PDE3A: variants seen among roughly 807,000 people sequenced by gnomAD.
The protein encoded by PDE3A is phosphodiesterase 3A.
Under a neutral mutation model 98.3 loss-of-function variants are expected in PDE3A, and 43 were observed. The observed-to-expected ratio is 0.44, with a 90% confidence interval of 0.34 to 0.56. The LOEUF (loss-of-function observed/expected upper bound fraction) is 0.56. PDE3A is among the 20% of genes least tolerant of loss of function. PDE3A has a pLI of 0.01. For missense variants in PDE3A, 1,427 were observed against 1,440.7 expected (o/e 0.99, Z 0.15); for synonymous variants, 663 against 567.9 (o/e 1.17, Z -2.38).
intron 4 of PDE3A, among the ~76,000 whole-genome samples, chr12:20,620,290 A>G (rs1285176504): frequency 6.6e-6 from 1 of 152,026 alleles, no homozygotes; most frequent in Admixed American, 6.6e-5. Context: ...AGATTGGCAA[A>G]AGATCAAATT....
chr12:20,646,436 T>C, intron 10 of PDE3A, 54 bp from the exon 11 acceptor site: 4 of 985,290 alleles, frequency 4.1e-6, no homozygotes, highest in Non-Finnish European at 4.9e-6. Context: ...GCACTCTTAG[T>C]TCTTGGACCC....
chr12:20,599,069 C>T (rs1043193558), intron 2 of PDE3A, among the ~76,000 whole-genome samples: 2 of 152,210 alleles, frequency 1.3e-5, no homozygotes, highest in African/African-American at 4.8e-5. Context: ...TAGCCTCATA[C>T]TTCCCTTTCA....
chr12:20,375,405 T>C (rs1244225876), intron 1 of PDE3A, among the ~76,000 whole-genome samples: 3 of 151,972 alleles, frequency 2.0e-5, no homozygotes, highest in Admixed American at 1.3e-4. Flanking sequence ...GAACTGAGAA[T>C]GTATGTTTGT....
rs60675534 is a variant in PDE3A at position 20,439,578 on chromosome 12, G to T, written c.960+69334G>T. ...ACTGGTTATTGCTGACTGCTTATAA[G>T]GCAAAATATTTTGATTTTACTGTAT... On this transcript the variant is annotated intron_variant, in intron 1 of 15. Coordinates refer to ENST00000359062, the MANE Select transcript of PDE3A (RefSeq NM_000921.5). 4.1e-3 allele frequency among the ~76,000 whole-genome samples: 618 copies of T among 152,218 alleles called. 4 individuals are homozygous for T. The highest frequency in any genetic ancestry group is 0.014 in the African/African-American group (570 of 41,538).
At chr12:20,461,465 C>G (rs192065506) in intron 1 of PDE3A, among the ~76,000 whole-genome samples, 116 of 152,204 alleles carry the variant, frequency 7.6e-4, no homozygotes, top group Middle Eastern at 3.4e-3. Flanking sequence ...ATGGTAGAAT[C>G]ACCAAGGTAA....
chr12:20,439,421 ATTCT>A (rs1460534167), intron 1 of PDE3A, among the ~76,000 whole-genome samples: 1 of 152,208 alleles, frequency 6.6e-6, no homozygotes, highest in Non-Finnish European at 1.5e-5. Flanking sequence ...ATACTCATTG[ATTCT>A]TTATATGCAT....
intron 1 of PDE3A, among the ~76,000 whole-genome samples, chr12:20,419,363 G>A (rs1303465043): frequency 1.3e-5 from 2 of 152,022 alleles, no homozygotes; most frequent in Non-Finnish European, 2.9e-5. Context: ...TACGATCATA[G>A]CTCCCTGCAG....
At chr12:20,498,039 A>G (rs1281654457) in intron 1 of PDE3A, among the ~76,000 whole-genome samples, 1 of 152,204 alleles carries the variant, frequency 6.6e-6, no homozygotes, top group Non-Finnish European at 1.5e-5. Context: ...GAAAAGATTT[A>G]GTAGTGTTAT....
chr12:20,680,516 A>C lies in PDE3A; in HGVS notation c.*245A>C. ...AGGATTTTTTAAGGAGGGAATATATATGTGTGTGTGTATATAAGCTCCCAC... is the reference window on the plus strand; with the variant it reads ...AGGATTTTTTAAGGAGGGAATATATCTGTGTGTGTGTATATAAGCTCCCAC... On this transcript the variant is annotated 3_prime_UTR_variant, in exon 16 of 16. Transcript: ENST00000359062. The C allele has an allele frequency of 2.2e-6, 1 of 464,302 alleles. No individual in the cohort carries two copies. The highest frequency in any genetic ancestry group is 3.9e-6 in the Non-Finnish European group (1 of 254,662). 28.8% of individuals were successfully genotyped at this position (464,302 alleles called of 1,614,324 possible). A position where few individuals can be genotyped will look rare whatever the true frequency, so the allele number is the denominator to read the frequency against.
chr12:20,588,154 G>A (rs778403224), intron 2 of PDE3A, among the ~76,000 whole-genome samples: 1 of 152,146 alleles, frequency 6.6e-6, no homozygotes, highest in East Asian at 1.9e-4. Context: ...GTTTTTCTGT[G>A]CCTGCTGACG....
intron 1 of PDE3A, among the ~76,000 whole-genome samples, chr12:20,446,439 A>G (rs968934955): frequency 6.6e-6 from 1 of 152,186 alleles, no homozygotes; most frequent in Admixed American, 6.5e-5. Flanking sequence ...CTAAGCCAAC[A>G]GTTGGCGAGA....
chr12:20,407,677 A>C (rs565383658), intron 1 of PDE3A, among the ~76,000 whole-genome samples: 1 of 152,142 alleles, frequency 6.6e-6, no homozygotes, highest in Non-Finnish European at 1.5e-5. Context: ...TGGCTTATTA[A>C]ATTTTTAAGT....
chr12:20,421,881 A>G (rs957523763), intron 1 of PDE3A, among the ~76,000 whole-genome samples: 2 of 152,194 alleles, frequency 1.3e-5, no homozygotes, highest in Non-Finnish European at 2.9e-5. Flanking sequence ...CTCTGAGAAT[A>G]GCCTGTCTGG....
intron 1 of PDE3A, among the ~76,000 whole-genome samples, chr12:20,473,324 T>C (rs1271485579): frequency 6.6e-6 from 1 of 152,144 alleles, no homozygotes; most frequent in East Asian, 1.9e-4. Context: ...AAGACCTACG[T>C]CATTCTTGAA....
chr12:20,449,349 A>G (rs1201242555), intron 1 of PDE3A, among the ~76,000 whole-genome samples: 2 of 152,232 alleles, frequency 1.3e-5, no homozygotes, highest in African/African-American at 4.8e-5. Flanking sequence ...AATACAGCAA[A>G]ATATTTCAAC....
intron 10 of PDE3A, among the ~76,000 whole-genome samples, chr12:20,640,482 A>T (rs1446530495): frequency 6.6e-6 from 1 of 152,150 alleles, no homozygotes; most frequent in African/African-American, 2.4e-5. Flanking sequence ...GGACAGGAGG[A>T]TGATGGTCTG....
At chr12:20,461,880 A>C (rs193089930) in intron 1 of PDE3A, among the ~76,000 whole-genome samples, 85 of 152,308 alleles carry the variant, frequency 5.6e-4, no homozygotes, top group African/African-American at 2.0e-3. Flanking sequence ...ATCTCTCTGC[A>C]GTGTATCAGA....
chr12:20,521,996 C>T (rs1453182529), intron 1 of PDE3A, among the ~76,000 whole-genome samples: 4 of 152,190 alleles, frequency 2.6e-5, no homozygotes, highest in Non-Finnish European at 4.4e-5. Flanking sequence ...TAACCCCAAA[C>T]TCAGGGCCTC....
chr12:20,596,400 G>T (rs1326069605), intron 2 of PDE3A, among the ~76,000 whole-genome samples: 1 of 152,084 alleles, frequency 6.6e-6, no homozygotes, highest in East Asian at 1.9e-4. Context: ...CACCATGTCT[G>T]CTGATCCTAG....
Sources: gnomAD v4.1 joint callset for allele counts (sites outside exome capture counted in the v4.1 genomes callset) on GRCh38, gnomAD v4.1.1 for gene constraint, MANE v1.5 for transcripts, NCBI Gene and HGNC (gene_info 2026-07-23, HGNC 2026-07-21) for gene names.